The following MCF2L2 variants were observed in gnomAD, a reference collection of about 807,000 sequenced individuals.
MCF2L2 encodes probable guanine nucleotide exchange factor MCF2L2.
A neutral mutation model predicts 150.2 loss-of-function variants in MCF2L2; 102 were observed. That is an observed-to-expected ratio of 0.68 (90% CI 0.58 to 0.80). The LOEUF (loss-of-function observed/expected upper bound fraction) is 0.80, where lower values mean the gene tolerates loss of function less well. Ranked by LOEUF, MCF2L2 falls within the 30% of genes least tolerant of loss-of-function variation. The probability of loss-of-function intolerance (pLI) is 0.00; values close to 1 mark genes in which losing one functional copy is unlikely to be tolerated. For synonymous variants in MCF2L2, 465 were observed against 491.3 expected, an observed-to-expected ratio of 0.95 and a Z score of 0.71; for missense variants, 1,256 against 1,372.8, an observed-to-expected ratio of 0.91 and a Z score of 1.34.
At chr3:183,300,641 G>A (rs1459896679) in intron 10 of MCF2L2, among the ~76,000 whole-genome samples, 1 of 152,166 alleles carries the variant, frequency 6.6e-6, no homozygotes, top group Non-Finnish European at 1.5e-5. Flanking sequence ...TGTCCTTGAG[G>A]AGAGTGGGGG....
intron 6 of MCF2L2, among the ~76,000 whole-genome samples, chr3:183,319,927 C>G (rs962358645): frequency 6.6e-6 from 1 of 152,148 alleles, no homozygotes; most frequent in Non-Finnish European, 1.5e-5. Flanking sequence ...CATTTAAGGT[C>G]ACCAGCTGCA....
rs1366825719 is a variant in MCF2L2, at chr3:183,262,381, T to C, written c.1862+14491A>G. On this transcript the variant is annotated intron_variant, in intron 15 of 29. Transcript: ENST00000328913. ...AGGGGAGTCAGGTGAGGCAGGGCTGTATAAGTGCAGGGTTGGAGCCTGTCT... is the reference window on the plus strand; with the variant it reads ...AGGGGAGTCAGGTGAGGCAGGGCTGCATAAGTGCAGGGTTGGAGCCTGTCT... Among the ~76,000 whole-genome samples, 3 of 152,220 alleles carry C rather than the reference T, an allele frequency of 2.0e-5. No individual in the cohort carries two copies. The East Asian group carries it at 5.8e-4, about 29-fold the overall frequency.
chr3:183,282,426 AATACTC>A (rs1394517569), intron 14 of MCF2L2, among the ~76,000 whole-genome samples: 1 of 152,142 alleles, frequency 6.6e-6, no homozygotes, highest in Non-Finnish European at 1.5e-5. Context: ...CGTCTGGACT[AATACTC>A]TAAACGCTAT....
At chr3:183,386,364 C>CAATTGGAAT (rs1713830757) in intron 2 of MCF2L2, among the ~76,000 whole-genome samples, 1 of 152,210 alleles carries the variant, frequency 6.6e-6, no homozygotes, top group Non-Finnish European at 1.5e-5. Flanking sequence ...GGCCCCAGCC[C>CAATTGGAAT]TGGTCAATAT....
chr3:183,353,933 A>G (rs776791974), intron 3 of MCF2L2, among the ~76,000 whole-genome samples: 1 of 151,938 alleles, frequency 6.6e-6, no homozygotes, highest in Non-Finnish European at 1.5e-5. Flanking sequence ...TTTTTTTAAT[A>G]GGAAGAGGAG....
chr3:183,407,746 T>G (rs1316988863), intron 1 of MCF2L2, among the ~76,000 whole-genome samples: 1 of 152,186 alleles, frequency 6.6e-6, no homozygotes, highest in Admixed American at 6.5e-5. Context: ...TAAAATCCCA[T>G]TTCACAGCCT....
At chr3:183,262,312 C>G (rs1017542694) in intron 15 of MCF2L2, among the ~76,000 whole-genome samples, 9 of 151,986 alleles carry the variant, frequency 5.9e-5, no homozygotes, top group Admixed American at 3.3e-4. Flanking sequence ...TGGAAGTTGG[C>G]AATATTCAGC....
chr3:183,196,285 C>T (rs1039062838), intron 25 of MCF2L2, among the ~76,000 whole-genome samples: 1 of 152,164 alleles, frequency 6.6e-6, no homozygotes, highest in Non-Finnish European at 1.5e-5. Context: ...TCATTCCTCT[C>T]ACCCATGGCC....
intron 14 of MCF2L2, among the ~76,000 whole-genome samples, chr3:183,286,161 T>C (rs1223433631): frequency 6.6e-6 from 1 of 152,178 alleles, no homozygotes; most frequent in Non-Finnish European, 1.5e-5. Flanking sequence ...AAGGAAATGA[T>C]TTCTCTGATC....
At chr3:183,271,068 T>C in intron 15 of MCF2L2, 1 of 805,816 alleles carries the variant, frequency 1.2e-6, no homozygotes, top group Non-Finnish European at 1.9e-6. Flanking sequence ...TCCATCAGAA[T>C]GTTTCTTTGA....
intron 1 of MCF2L2, among the ~76,000 whole-genome samples, chr3:183,417,663 G>A (rs1715673764): frequency 6.6e-6 from 1 of 152,152 alleles, no homozygotes; most frequent in Non-Finnish European, 1.5e-5. Flanking sequence ...ATCCAGGAAT[G>A]TCTTTATTTT....
At chr3:183,337,687 T>A (rs1015552509) in intron 5 of MCF2L2, among the ~76,000 whole-genome samples, 1 of 152,212 alleles carries the variant, frequency 6.6e-6, no homozygotes, top group Non-Finnish European at 1.5e-5. Flanking sequence ...CAGTCCCCTA[T>A]TGTCAAGCAT....
At position 183,179,185 on chromosome 3, in the gene MCF2L2, G is replaced by T. The variant is rs1248870974; in HGVS notation, c.*195C>A. The T allele has an allele frequency of 3.0e-6, 2 of 670,710 alleles. No homozygotes were observed. Among genetic ancestry groups the T allele is most frequent in the African/African-American group, 3.8e-5 (2 of 52,572 alleles). 41.5% of individuals were successfully genotyped at this position (670,710 alleles called of 1,614,324 possible). ...GCAGGCGCCTTAGAGCAGCTCCGAGGTCCCCCGTGCGGAGCTAGGCGCGCA... is the reference window on the plus strand; with the variant it reads ...GCAGGCGCCTTAGAGCAGCTCCGAGTTCCCCCGTGCGGAGCTAGGCGCGCA... On this transcript the variant is annotated 3_prime_UTR_variant, in exon 30 of 30. Coordinates refer to ENST00000328913, the MANE Select transcript of MCF2L2 (RefSeq NM_015078.4). The surrounding 1 kb of genome is among the most constrained non-coding windows in gnomAD (Gnocchi z 4.2).
At chr3:183,294,946 T>C (rs960685350) in intron 13 of MCF2L2, among the ~76,000 whole-genome samples, 13 of 151,936 alleles carry the variant, frequency 8.6e-5, no homozygotes, top group African/African-American at 3.1e-4. Flanking sequence ...CTATTTTTAG[T>C]AGAGATGGGT....
At chr3:183,271,627 G>T (rs1726790127) in intron 15 of MCF2L2, 1 of 166,716 alleles carries the variant, frequency 6.0e-6, no homozygotes, top group African/African-American at 2.4e-5. Context: ...TGTTTTTAAT[G>T]GATTTTTTTT....
At chr3:183,298,506 T>A (rs546490969) in intron 11 of MCF2L2, 2 of 152,256 alleles carry the variant, frequency 1.3e-5, no homozygotes, top group South Asian at 4.1e-4. Context: ...ATAAAGATAT[T>A]TCAGAATTAA....
At chr3:183,271,684 G>C (rs1330106097) in intron 15 of MCF2L2, 2 of 166,848 alleles carry the variant, frequency 1.2e-5, no homozygotes, top group Non-Finnish European at 2.9e-5. Context: ...GTTGCTCATA[G>C]GGTCCTTCTC....
intron 27 of MCF2L2, 45 bp downstream of exon 27, chr3:183,192,954 A>C: frequency 7.0e-7 from 1 of 1,423,662 alleles, no homozygotes; most frequent in South Asian, 1.2e-5. Context: ...AGCTGGCATC[A>C]CCCCACTGCT....
At chr3:183,266,053 C>CA (rs1475869812) in intron 15 of MCF2L2, 1 of 152,222 alleles carries the variant, frequency 6.6e-6, no homozygotes, top group East Asian at 1.9e-4. Context: ...AGGGTGGGGA[C>CA]AAAATGAAGG....
Sources: allele counts gnomAD v4.1 joint callset (sites outside exome capture counted in the v4.1 genomes callset), GRCh38; gene constraint gnomAD v4.1.1; non-coding constraint Gnocchi (gnomAD v3.1); transcripts MANE v1.5; gene names NCBI Gene and HGNC (gene_info 2026-07-23, HGNC 2026-07-21).